Variants in CLMP observed in about 807,000 individuals in gnomAD.
The protein encoded by CLMP is CXADR-like membrane protein.
CLMP carries 27 observed loss-of-function variants against 45.2 expected under a neutral mutation model. That is an observed-to-expected ratio of 0.60 (90% CI 0.44 to 0.82). CLMP has a LOEUF of 0.82. Among genes scored for constraint, CLMP ranks in the 40% least tolerant of loss-of-function variants. CLMP has a pLI of 0.00. For missense variants in CLMP, 403 were observed against 448.4 expected (o/e 0.90, Z 0.91); for synonymous variants, 167 against 171.4 (o/e 0.97, Z 0.20).
At chr11:123,156,322 G>A (rs553647996) in intron 1 of CLMP, among the ~76,000 whole-genome samples, 1 of 152,278 alleles carries the variant, frequency 6.6e-6, no homozygotes, top group African/African-American at 2.4e-5. Context: ...CACCCAGGCT[G>A]TGTCATTTTA....
In CLMP at chr11:123,145,214, A is replaced by G. The variant is rs578207772; in HGVS notation, c.29-47262T>C. Reference sequence around the variant, plus strand: ...AAAATTTTAAATTCCATGGGGGCTCACATTCTATTTCTATTTCTATATTTT... The same window carrying G: ...AAAATTTTAAATTCCATGGGGGCTCGCATTCTATTTCTATTTCTATATTTT... On this transcript the variant is annotated intron_variant, in intron 1 of 6. Coordinates refer to ENST00000448775, the MANE Select transcript of CLMP (RefSeq NM_024769.5). Among the ~76,000 whole-genome samples the G allele has an allele frequency of 5.8e-4, 89 of 152,148 alleles. 1 individual carries two copies. Among genetic ancestry groups the G allele is most frequent in the African/African-American group, 2.0e-3 (84 of 41,524 alleles).
intron 2 of CLMP, among the ~76,000 whole-genome samples, chr11:123,090,254 GC>G (rs1865915003): frequency 1.4e-5 from 2 of 147,740 alleles, no homozygotes; most frequent in South Asian, 4.3e-4. Flanking sequence ...GACCAGCCTG[GC>G]CAACATTGCG....
At chr11:123,167,378 T>G (rs192377036) in intron 1 of CLMP, among the ~76,000 whole-genome samples, 2 of 152,152 alleles carry the variant, frequency 1.3e-5, no homozygotes, top group Non-Finnish European at 2.9e-5. Flanking sequence ...CTCCACCTCC[T>G]GGGTTCACAC....
At chr11:123,108,569 G>A (rs1316915054) in intron 1 of CLMP, among the ~76,000 whole-genome samples, 1 of 151,992 alleles carries the variant, frequency 6.6e-6, no homozygotes, top group Non-Finnish European at 1.5e-5. Context: ...TTTTAGGGGA[G>A]GAGAAGGATG....
chr11:123,165,486 C>T (rs1269930195), intron 1 of CLMP, among the ~76,000 whole-genome samples: 1 of 152,154 alleles, frequency 6.6e-6, no homozygotes, highest in Non-Finnish European at 1.5e-5. Context: ...ACCATCCCTT[C>T]CCTCCATGCC....
At position 123,073,924 on chromosome 11, in the gene CLMP, T is replaced by G. The variant is rs113791025; in HGVS notation, c.822-150A>C. 744 of 727,708 alleles carry G rather than the reference T, an allele frequency of 1.0e-3. 5 individuals carry two copies. In the African/African-American group the frequency reaches 0.012, roughly 12 times the overall value. The allele number at this position is 727,708 out of a possible 1,614,324, so 45.1% of individuals were successfully genotyped here. ...GGGTCATAGGTGCTTCCTCGTATCT[T>G]AAGACTTAATGCTTGGCTCACACAA... On this transcript the variant is annotated intron_variant, in intron 6 of 6. Coordinates refer to ENST00000448775, the MANE Select transcript of CLMP (RefSeq NM_024769.5).
intron 2 of CLMP, among the ~76,000 whole-genome samples, chr11:123,088,037 A>C (rs1865886117): frequency 6.6e-6 from 1 of 151,392 alleles, no homozygotes; most frequent in South Asian, 2.1e-4. Context: ...CAGCCTCCTG[A>C]GTAGCTGGGA....
chr11:123,165,103 C>T (rs142789695), intron 1 of CLMP, among the ~76,000 whole-genome samples: 241 of 152,316 alleles, frequency 1.6e-3, no homozygotes, highest in African/African-American at 5.6e-3. Flanking sequence ...CCTCTTCAGA[C>T]CAGAGACAAC....
intron 1 of CLMP, among the ~76,000 whole-genome samples, chr11:123,131,941 C>T (rs1424034497): frequency 6.6e-6 from 1 of 152,076 alleles, no homozygotes; most frequent in Non-Finnish European, 1.5e-5. Context: ...TCTAAACCTA[C>T]GTTTATCATC....
chr11:123,182,657 C>T (rs1591489511), intron 1 of CLMP, among the ~76,000 whole-genome samples: 1 of 152,234 alleles, frequency 6.6e-6, no homozygotes, highest in Non-Finnish European at 1.5e-5. Flanking sequence ...ACACAGGCTA[C>T]TGCTGTCCTC....
At chr11:123,093,346 T>C (rs1865954917) in intron 2 of CLMP, among the ~76,000 whole-genome samples, 2 of 151,976 alleles carry the variant, frequency 1.3e-5, no homozygotes, top group South Asian at 2.1e-4. Context: ...AATTGCAAGA[T>C]ACTATTTTTT....
chr11:123,169,824 G>A (rs1861605221), intron 1 of CLMP, among the ~76,000 whole-genome samples: 1 of 152,176 alleles, frequency 6.6e-6, no homozygotes, highest in Admixed American at 6.5e-5. Context: ...AGCAGAGGAA[G>A]CCGGTGTTGG....
intron 1 of CLMP, among the ~76,000 whole-genome samples, chr11:123,116,675 C>T (rs1860724882): frequency 6.6e-6 from 1 of 152,318 alleles, no homozygotes; most frequent in Admixed American, 6.5e-5. Flanking sequence ...AATGCTTTCA[C>T]AATTCACTAG....
rs972466250 is a variant in CLMP, at chr11:123,070,740, G to A, written c.*2734C>T. ...TTGCCTGGATACCACACTACCAGAG[G>A]AATAAAAATGTAGTTAGAGTAAGGG... On this transcript the variant is annotated 3_prime_UTR_variant, in exon 7 of 7. Transcript: ENST00000448775. 2.0e-5 allele frequency: 3 copies of A among 152,134 alleles called. No homozygotes were observed. The highest frequency in any genetic ancestry group is 4.4e-5 in the Non-Finnish European group (3 of 68,022). 9.4% of individuals were successfully genotyped at this position (152,134 alleles called of 1,614,324 possible).
At position 123,073,703 on chromosome 11, in the gene CLMP, C is replaced by T. The variant is rs781419826; in HGVS notation, c.893G>A (p.Arg298His). 29 of 1,614,040 alleles carry T rather than the reference C, an allele frequency of 1.8e-5. 2 individuals carry two copies. Among genetic ancestry groups the T allele is most frequent in the South Asian group, 1.2e-4 (11 of 91,072 alleles). Reference protein sequence around the residue: ...SSSSSGSRSSRSGSSSTRSTA... With the variant: ...SSSSSGSRSSHSGSSSTRSTA... The stretch of plus-strand genomic sequence containing the variant: ...GGAGCGAGTGGAGGAAGAACCAGAG[C>T]GTGAGCTCCGAGAGCCTGAGGAAGA... The change falls in exon 7 of 7, where the codon CGC becomes CAC. Residue 298 changes from arginine to histidine, a missense_variant. Arg to His is a conservative substitution (Grantham distance 29). Coordinates refer to ENST00000448775, the MANE Select transcript of CLMP (RefSeq NM_024769.5).
chr11:123,085,423 A>G (rs1016053594), intron 2 of CLMP, among the ~76,000 whole-genome samples: 6 of 151,526 alleles, frequency 4.0e-5, no homozygotes, highest in African/African-American at 1.5e-4. Flanking sequence ...TAACTTTTGT[A>G]TTATTGGTAG....
intron 1 of CLMP, among the ~76,000 whole-genome samples, chr11:123,143,599 C>T (rs1332374697): frequency 6.6e-6 from 1 of 152,144 alleles, no homozygotes; most frequent in African/African-American, 2.4e-5. Flanking sequence ...GTCCTACAAC[C>T]ACAAAGAACT....
intron 1 of CLMP, among the ~76,000 whole-genome samples, chr11:123,190,034 G>C (rs997697246): frequency 6.7e-6 from 1 of 150,030 alleles, no homozygotes; most frequent in African/African-American, 2.5e-5. Flanking sequence ...CAAAGCTCCT[G>C]CTTACAAATA....
Position 123,152,563 on chromosome 11 carries a change from T to TAAATAAAA in CLMP, c.28+42349_28+42350insTTTTATTT, listed in dbSNP as rs1199205471. On this transcript the variant is annotated intron_variant, in intron 1 of 6. Coordinates refer to ENST00000448775, the MANE Select transcript of CLMP (RefSeq NM_024769.5). Reference sequence around the variant, plus strand: ...ATAAATAAATAAATAAATAAATAAATAAAAAATAAATAAAATGAAAGCTAA... The same window carrying TAAATAAAA: ...ATAAATAAATAAATAAATAAATAAATAAATAAAAAAAAAATAAATAAAATGAAAGCTAA... Among the ~76,000 whole-genome samples, 42 of 150,054 alleles carry TAAATAAAA rather than the reference T, an allele frequency of 2.8e-4. 1 individual carries two copies. Among genetic ancestry groups the TAAATAAAA allele is most frequent in the African/African-American group, 9.3e-4 (38 of 40,784 alleles).
Sources: allele counts gnomAD v4.1 joint callset (sites outside exome capture counted in the v4.1 genomes callset), GRCh38; gene constraint gnomAD v4.1.1; transcripts MANE v1.5; gene names NCBI Gene and HGNC (gene_info 2026-07-23, HGNC 2026-07-21).